Variants in SRCIN1 observed in about 807,000 individuals in gnomAD.
The protein encoded by SRCIN1 is SRC kinase signaling inhibitor 1.
A neutral mutation model predicts 116.2 loss-of-function variants in SRCIN1; 50 were observed. The ratio of observed to expected loss-of-function variants is 0.43; its 90% CI spans 0.34 to 0.54. SRCIN1 has a LOEUF of 0.54. Among genes scored for constraint, SRCIN1 ranks in the 20% least tolerant of loss-of-function variants. The pLI, the probability that SRCIN1 is intolerant of heterozygous loss-of-function variation, is 0.02. For synonymous variants in SRCIN1, 736 were observed against 750.0 expected, an observed-to-expected ratio of 0.98 and a Z score of 0.30; for missense variants, 1,446 against 1,672.0, an observed-to-expected ratio of 0.86 and a Z score of 2.36.
chr17:38,548,212 T>G (rs1197176600), intron 17 of SRCIN1, among the ~76,000 whole-genome samples: 1 of 152,000 alleles, frequency 6.6e-6, no homozygotes, highest in African/African-American at 2.4e-5. Context: ...GTCTCAAGCA[T>G]GAGCTGATCT....
At chr17:38,545,791 C>T (rs12603301) in intron 17 of SRCIN1, among the ~76,000 whole-genome samples, 12,022 of 152,250 alleles carry the variant, frequency 0.079, 491 homozygotes, top group African/African-American at 0.097. Context: ...TGCAATGACT[C>T]GACACCAAGG....
At chr17:38,549,255 G>A (rs1206298692) in intron 15 of SRCIN1, 45 bp from the exon 16 acceptor site, 3 of 1,481,998 alleles carry the variant, frequency 2.0e-6, no homozygotes, top group Non-Finnish European at 2.7e-6. Flanking sequence ...TGCAACCTTG[G>A]AGTCAGTGCA....
intron 1 of SRCIN1, among the ~76,000 whole-genome samples, chr17:38,601,640 A>G (rs1413868714): frequency 8.1e-6 from 1 of 123,548 alleles, no homozygotes; most frequent in Admixed American, 8.4e-5. Flanking sequence ...ACACACACGC[A>G]CACACACACA....
chr17:38,555,616 G>T (rs545660634), intron 11 of SRCIN1, among the ~76,000 whole-genome samples: 8 of 152,210 alleles, frequency 5.3e-5, no homozygotes, highest in Admixed American at 2.0e-4. Context: ...GATATTCAAA[G>T]AGATTAACTA....
At position 38,548,660 on chromosome 17, in the gene SRCIN1, C is replaced by G; in HGVS notation, c.3167G>C (p.Arg1056Pro). Residue 1056 changes from arginine (R) to proline (P), a missense_variant, in exon 17 of 19, where the codon CGC (arginine) becomes CCC (proline). Physicochemically the swap from Arg to Pro is moderately radical, Grantham distance 103. This residue lies in a region of SRCIN1 where 531 missense variants were observed against 633.9 expected (regional missense o/e 0.84). Transcript: ENST00000617146. ...LEVQKPQVKL[R>P]RAVSEVARPA... ...GCGGGCCACCTCAGACACAGCCCGG[C>G]GCAGCTTCACCTGGGGCTTCTGCAC... 1.2e-6 allele frequency: 2 copies of G among 1,612,044 alleles called. No individual in the cohort carries two copies. Among genetic ancestry groups the G allele is most frequent in the East Asian group, 2.2e-5 (1 of 44,868 alleles).
chr17:38,538,457 T>C (rs1383031291), intron 18 of SRCIN1, among the ~76,000 whole-genome samples: 1 of 148,094 alleles, frequency 6.8e-6, no homozygotes, highest in African/African-American at 2.5e-5. Flanking sequence ...AATAAAATAA[T>C]AAAAATGACA....
rs552819894 is a variant in SRCIN1, at chr17:38,533,364, G to A, written c.3485C>T (p.Ser1162Leu). 58 of 1,609,722 alleles carry A rather than the reference G, an allele frequency of 3.6e-5. No homozygotes were observed. Among genetic ancestry groups the A allele is most frequent in the South Asian group, 1.8e-4 (16 of 89,880 alleles). The change falls in exon 19 of 19, where the codon TCG becomes TTG. Residue 1162 changes from serine (S) to leucine (L), a missense_variant. By Grantham distance (145) the Ser-to-Leu change is moderately radical. Around this residue, in one of 5 missense-constraint regions of SRCIN1, gnomAD observed 531 missense variants for 633.9 expected, o/e 0.84. Transcript: ENST00000617146. ...ETSSPVSEKP[S>L]ASRTSIPVLT... is the part of the protein sequence containing the mutation. ...TACAGGGATAGAGGTTCTGGAAGCCGAGGGCTTTTCTGAGACTGGGCTCGA... is the reference window on the plus strand; with the variant it reads ...TACAGGGATAGAGGTTCTGGAAGCCAAGGGCTTTTCTGAGACTGGGCTCGA...
rs1001633791 is a variant in SRCIN1 at position 38,543,001 on chromosome 17, G to A, written c.3417+822C>T. ...CTCATAAATATTAACTAAATCAAAC[G>A]AGTGCACTAAGGGTCTCTCACAACA... On this transcript the variant is annotated intron_variant, in intron 18 of 18. Transcript: ENST00000617146. 10 of 445,186 alleles carry A rather than the reference G, an allele frequency of 2.2e-5. No homozygotes were observed. The East Asian group carries it at 3.5e-4, about 16-fold the overall frequency. 27.6% of individuals were successfully genotyped at this position (445,186 alleles called of 1,614,324 possible).
intron 2 of SRCIN1, among the ~76,000 whole-genome samples, chr17:38,575,748 G>A (rs891987984): frequency 1.3e-5 from 2 of 152,148 alleles, no homozygotes; most frequent in Admixed American, 6.5e-5. Flanking sequence ...CTCAGTGGAA[G>A]TGACTCCACC....
At chr17:38,551,081 C>T (rs1200749987) in intron 15 of SRCIN1, 74 bp downstream of exon 15, 2 of 641,542 alleles carry the variant, frequency 3.1e-6, no homozygotes, top group Non-Finnish European at 5.3e-6. Context: ...CCAGTGCCTC[C>T]CCCATCAGCC....
chr17:38,584,241 G>T (rs916632348), intron 1 of SRCIN1, among the ~76,000 whole-genome samples: 68 of 152,316 alleles, frequency 4.5e-4, no homozygotes, highest in African/African-American at 1.4e-3. Flanking sequence ...GGGCCTGAAG[G>T]TTCCCCCCAA....
At chr17:38,538,429 AAAAAT>A (rs1904528347) in intron 18 of SRCIN1, among the ~76,000 whole-genome samples, 1 of 147,764 alleles carries the variant, frequency 6.8e-6, no homozygotes, top group African/African-American at 2.5e-5. Flanking sequence ...AAAAAAAAAA[AAAAAT>A]AATAATAATA....
rs894471246 is a variant in SRCIN1 at position 38,602,121 on chromosome 17, G to A, written c.22+3563C>T. The A allele has an allele frequency of 1.5e-4, 23 of 152,214 alleles. No homozygotes were observed. The highest frequency in any genetic ancestry group is 5.5e-4 in the African/African-American group (23 of 41,456). The allele number at this position is 152,214 out of a possible 1,614,324, so 9.4% of individuals were successfully genotyped here. ...GGTTCTAGGCTGCTTGGCAGGAGTT[G>A]GGGACCATGCCCCTGCCCCTCTGCC... On this transcript the variant is annotated intron_variant, in intron 1 of 18. Coordinates refer to ENST00000617146, the MANE Select transcript of SRCIN1 (RefSeq NM_025248.3). The surrounding 1 kb of genome is among the most constrained non-coding windows in gnomAD (Gnocchi z 4.2).
chr17:38,535,890 G>C (rs1394231514), intron 18 of SRCIN1, among the ~76,000 whole-genome samples: 2 of 152,142 alleles, frequency 1.3e-5, no homozygotes, highest in African/African-American at 4.8e-5. Flanking sequence ...CCTCTGAACT[G>C]ATCTTTCTAG....
intron 1 of SRCIN1, among the ~76,000 whole-genome samples, chr17:38,580,319 T>C (rs557335786): frequency 6.6e-6 from 1 of 152,120 alleles, no homozygotes; most frequent in African/African-American, 2.4e-5. Flanking sequence ...CACCCCTCCC[T>C]GGGCAATGGT....
At position 38,530,592 on chromosome 17, in the gene SRCIN1, A is replaced by G. The variant is rs2040906617; in HGVS notation, c.*2705T>C. 6.6e-6 allele frequency: 1 copy of G among 152,302 alleles called. No homozygotes were observed. Among genetic ancestry groups the G allele is most frequent in the Admixed American group, 6.5e-5 (1 of 15,270 alleles). The allele number at this position is 152,302 out of a possible 1,614,324, so 9.4% of individuals were successfully genotyped here. A position where few individuals can be genotyped will look rare whatever the true frequency, so the allele number is the denominator to read the frequency against. ...GCCAGTGGTGCAGGGATGATGGAAC[A>G]CACGCACACAGAGGCACACCCACAC... On this transcript the variant is annotated 3_prime_UTR_variant, in exon 19 of 19. Coordinates refer to ENST00000617146, the MANE Select transcript of SRCIN1 (RefSeq NM_025248.3).
At position 38,558,634 on chromosome 17, in the gene SRCIN1, G is replaced by A. The variant is rs1030546993; in HGVS notation, c.2026-232C>T. Among the ~76,000 whole-genome samples the A allele has an allele frequency of 3.3e-5, 5 of 152,200 alleles. No individual in the cohort carries two copies. Among genetic ancestry groups the A allele is most frequent in the African/African-American group, 1.2e-4 (5 of 41,448 alleles). The stretch of plus-strand genomic sequence containing the variant: ...TAAGTTCTGGGGAAGAACAGAGGCA[G>A]GAGGAGAACGGATGGGGATCGTGGA... On this transcript the variant is annotated intron_variant, in intron 10 of 18. Coordinates refer to ENST00000617146, the MANE Select transcript of SRCIN1 (RefSeq NM_025248.3). The surrounding 1 kb of genome is among the most constrained non-coding windows in gnomAD (Gnocchi z 4.6).
chr17:38,550,338 CA>C (rs1385295130), intron 15 of SRCIN1, among the ~76,000 whole-genome samples: 3 of 151,664 alleles, frequency 2.0e-5, no homozygotes, highest in African/African-American at 4.8e-5. Context: ...ACTAAAAATA[CA>C]AAAAAATTAG....
intron 18 of SRCIN1, chr17:38,543,082 C>T (rs974926097): frequency 4.4e-6 from 2 of 456,612 alleles, no homozygotes; most frequent in African/African-American, 4.0e-5. Context: ...GCAGTAAACA[C>T]CCACAGGTGA....
Sources: allele counts gnomAD v4.1 joint callset (sites outside exome capture counted in the v4.1 genomes callset), GRCh38; gene constraint gnomAD v4.1.1; regional missense constraint gnomAD v4.1.1; non-coding constraint Gnocchi (gnomAD v3.1); transcripts MANE v1.5; gene names NCBI Gene and HGNC (gene_info 2026-07-23, HGNC 2026-07-21).